Variants in FAT3 observed in about 807,000 individuals in gnomAD.
The protein encoded by FAT3 is FAT atypical cadherin 3.
FAT3 carries 95 observed loss-of-function variants against 310.2 expected under a neutral mutation model. That is an observed-to-expected ratio of 0.31 (90% CI 0.26 to 0.36). The LOEUF is 0.36. Among genes scored for constraint, FAT3 ranks in the 10% least tolerant of loss-of-function variants. FAT3 has a pLI of 1.00. For synonymous variants in FAT3, 2,314 were observed against 2,192.9 expected (o/e 1.06, Z -1.54); for missense variants, 5,408 against 5,715.6 (o/e 0.95, Z 1.74).
intron 4 of FAT3, among the ~76,000 whole-genome samples, chr11:92,704,173 A>G (rs147868239): frequency 2.6e-5 from 4 of 152,298 alleles, no homozygotes; most frequent in East Asian, 1.9e-4. Context: ...ATCAGTCTCT[A>G]TGCATCTGAA....
At position 92,798,128 on chromosome 11, in the gene FAT3, C is replaced by A; in HGVS notation, c.5115C>A (p.Val1705=). The change falls in exon 10 of 28, where the codon GTC becomes GTA. Residue 1705 remains valine (V), a synonymous_variant. Coordinates refer to ENST00000525166, the MANE Select transcript of FAT3 (RefSeq NM_001367949.2). ...GTCAATCTACCCTCATTTATGAAGT[C>A]AAAGATGGAGACATTAATGGGATCT... ...AISQSTLIYE[V]KDGDINGIFT... 3 of 1,613,886 alleles carry A rather than the reference C, an allele frequency of 1.9e-6. No individual in the cohort carries two copies. Among genetic ancestry groups the A allele is most frequent in the Non-Finnish European group, 2.5e-6 (3 of 1,179,858 alleles).
intron 13 of FAT3, among the ~76,000 whole-genome samples, chr11:92,824,073 A>G (rs1001862333): frequency 2.6e-5 from 4 of 152,086 alleles, no homozygotes; most frequent in African/African-American, 9.7e-5. Context: ...AATCATTTTT[A>G]AGGCTGGGTG....
intron 13 of FAT3, among the ~76,000 whole-genome samples, chr11:92,819,138 G>A (rs184234584): frequency 3.3e-5 from 5 of 152,260 alleles, no homozygotes; most frequent in African/African-American, 1.2e-4. Flanking sequence ...CTGAGCCACA[G>A]CTAGTTAGTT....
intron 7 of FAT3, among the ~76,000 whole-genome samples, chr11:92,784,084 A>G (rs1457888503): frequency 6.6e-6 from 1 of 152,204 alleles, no homozygotes; most frequent in Non-Finnish European, 1.5e-5. Context: ...GATGGGGTGA[A>G]TACAGAATTA....
At chr11:92,236,216 G>A (rs1238419117) in intron 1 of FAT3, among the ~76,000 whole-genome samples, 1 of 152,038 alleles carries the variant, frequency 6.6e-6, no homozygotes, top group Non-Finnish European at 1.5e-5. Flanking sequence ...CTGGGGTATG[G>A]GTCACTCCAT....
At chr11:92,304,860 C>G (rs1947081504) in intron 1 of FAT3, among the ~76,000 whole-genome samples, 1 of 152,018 alleles carries the variant, frequency 6.6e-6, no homozygotes. Flanking sequence ...TTGGGAGGGA[C>G]AGTTGCATCA....
chr11:92,736,718 T>C (rs558669905), intron 4 of FAT3, among the ~76,000 whole-genome samples: 111 of 152,298 alleles, frequency 7.3e-4, no homozygotes, highest in African/African-American at 2.5e-3. Flanking sequence ...AAGTCATAAA[T>C]ATAGCAACAC....
At chr11:92,838,599 A>G (rs576146319) in intron 17 of FAT3, among the ~76,000 whole-genome samples, 4 of 152,336 alleles carry the variant, frequency 2.6e-5, no homozygotes, top group African/African-American at 9.6e-5. Flanking sequence ...ACAGAGTGAT[A>G]TGCATGACTT....
chr11:92,669,072 C>G (rs1943048016), intron 3 of FAT3, among the ~76,000 whole-genome samples: 1 of 152,164 alleles, frequency 6.6e-6, no homozygotes, highest in Non-Finnish European at 1.5e-5. Context: ...CCCTGGTTTT[C>G]CAAGACACCT....
intron 2 of FAT3, among the ~76,000 whole-genome samples, chr11:92,440,528 T>C (rs984494424): frequency 7.2e-5 from 11 of 152,130 alleles, no homozygotes; most frequent in Admixed American, 2.0e-4. Context: ...TTGCAAGCTC[T>C]CATATGTGGC....
chr11:92,764,976 C>T lies in FAT3; in HGVS notation c.4082C>T (p.Thr1361Ile). 1 of 1,613,860 alleles carries T rather than the reference C, an allele frequency of 6.2e-7. No homozygotes were observed. The highest frequency in any genetic ancestry group is 1.1e-5 in the South Asian group (1 of 91,078). Reference protein sequence around the residue: ...KKPPPSPIPLTFDEPFYNFTV... With the variant: ...KKPPPSPIPLIFDEPFYNFTV... ...CCACCCCCTTCACCTATACCATTGACCTTCGATGAGCCGTTTTATAACTTC... is the reference window on the plus strand; with the variant it reads ...CCACCCCCTTCACCTATACCATTGATCTTCGATGAGCCGTTTTATAACTTC... The change falls in exon 6 of 28, where the codon ACC (threonine) becomes ATC (isoleucine). Residue 1361 changes from threonine (T) to isoleucine (I), a missense_variant. Thr to Ile is a moderately conservative substitution (Grantham distance 89). Transcript: ENST00000525166.
At position 92,226,573 on chromosome 11, in the gene FAT3, C is replaced by T. The variant is rs574991412; in HGVS notation, c.-18+1399C>T. 1.8e-3 allele frequency among the ~76,000 whole-genome samples: 279 copies of T among 151,856 alleles called. 1 individual carries two copies. The highest frequency in any genetic ancestry group is 3.3e-3 in the Non-Finnish European group (223 of 67,950). ...GGCTGCAGCTCGCTGGAATAATGGG[C>T]TCAAACCAGGCGGTGGAGAGGGGTC... On this transcript the variant is annotated intron_variant, in intron 1 of 27. Transcript: ENST00000525166.
At chr11:92,383,064 T>A (rs1949537341) in intron 2 of FAT3, among the ~76,000 whole-genome samples, 1 of 152,194 alleles carries the variant, frequency 6.6e-6, no homozygotes, top group Admixed American at 6.5e-5. Context: ...GTTCACCTCC[T>A]GCTTATAAGT....
At chr11:92,242,971 T>A (rs1247652876) in intron 1 of FAT3, among the ~76,000 whole-genome samples, 1 of 151,990 alleles carries the variant, frequency 6.6e-6, no homozygotes, top group Non-Finnish European at 1.5e-5. Flanking sequence ...TTCGGAGGAC[T>A]GTTTTTTTTT....
chr11:92,390,740 G>T (rs1949729930), intron 2 of FAT3, among the ~76,000 whole-genome samples: 1 of 152,154 alleles, frequency 6.6e-6, no homozygotes, highest in Non-Finnish European at 1.5e-5. Context: ...TGGCCTCCTG[G>T]AGCAGGAATG....
chr11:92,362,387 C>G (rs1948903769), intron 2 of FAT3, among the ~76,000 whole-genome samples: 1 of 152,260 alleles, frequency 6.6e-6, no homozygotes. Context: ...ATTTGCCTCT[C>G]TGATCCATTC....
At chr11:92,439,238 C>CT (rs530002461) in intron 2 of FAT3, among the ~76,000 whole-genome samples, 33 of 151,488 alleles carry the variant, frequency 2.2e-4, no homozygotes, top group African/African-American at 8.1e-4. Context: ...TTTTAATGCT[C>CT]TTTTAAAAAA....
chr11:92,628,885 C>T (rs373857074), intron 3 of FAT3, among the ~76,000 whole-genome samples: 5 of 152,302 alleles, frequency 3.3e-5, no homozygotes, highest in Middle Eastern at 3.4e-3. Flanking sequence ...CACAGGCACA[C>T]GTGCACTCAT....
rs61267708 is a variant in FAT3 at position 92,499,723 on chromosome 11, A to ATGTGTGTGTGTGTG, written c.3293-24892_3293-24879dup. ...ATCTTGTGTGTGTGTATGTGTGTGT[A>ATGTGTGTGTGTGTG]TGTGTGTGTGTGTGTGTGTGTGTGT... On this transcript the variant is annotated intron_variant, in intron 2 of 27. Coordinates refer to ENST00000525166, the MANE Select transcript of FAT3 (RefSeq NM_001367949.2). 9.7e-3 allele frequency among the ~76,000 whole-genome samples: 1,246 copies of ATGTGTGTGTGTGTG among 127,806 alleles called. 21 individuals are homozygous for ATGTGTGTGTGTGTG. Among genetic ancestry groups the ATGTGTGTGTGTGTG allele is most frequent in the African/African-American group, 0.029 (1,087 of 38,126 alleles). 83.8% of individuals were successfully genotyped at this position (127,806 alleles called of 152,430 possible). A position where few individuals can be genotyped will look rare whatever the true frequency, so the allele number is the denominator to read the frequency against.
Sources: allele counts gnomAD v4.1 joint callset (sites outside exome capture counted in the v4.1 genomes callset), GRCh38; gene constraint gnomAD v4.1.1; transcripts MANE v1.5; gene names NCBI Gene and HGNC (gene_info 2026-07-23, HGNC 2026-07-21).